DAB1: variants seen among roughly 807,000 people sequenced by gnomAD.
DAB1 encodes the protein DAB adaptor protein 1, also known as disabled homolog 1.
In DAB1, 15 loss-of-function variants were observed where a neutral mutation model predicts 64.6. The ratio of observed to expected loss-of-function variants is 0.23; its 90% confidence interval spans 0.16 to 0.36. DAB1 has a LOEUF of 0.36. Ranked by LOEUF, DAB1 falls within the 10% of genes least tolerant of loss-of-function variation. The pLI, the probability that DAB1 is intolerant of heterozygous loss-of-function variation, is 1.00. For missense variants in DAB1, 596 were observed against 706.7 expected (o/e 0.84, Z 1.78); for synonymous variants, 235 against 251.9 (o/e 0.93, Z 0.64).
intron 7 of DAB1, among the ~76,000 whole-genome samples, chr1:57,491,277 A>C (rs1373196445): frequency 2.6e-5 from 4 of 151,940 alleles, no homozygotes. Context: ...AAATACAAAA[A>C]ATTAGCCAGG....
intron 7 of DAB1, among the ~76,000 whole-genome samples, chr1:57,450,263 C>A (rs146434567): frequency 3.3e-5 from 5 of 152,266 alleles, no homozygotes; most frequent in Non-Finnish European, 7.4e-5. Context: ...GAATAGAATT[C>A]TTGATGGCAG....
intron 7 of DAB1, among the ~76,000 whole-genome samples, chr1:57,475,743 G>A (rs1320669470): frequency 2.0e-5 from 3 of 152,174 alleles, no homozygotes; most frequent in East Asian, 1.9e-4. Context: ...ACCGGCCAAC[G>A]CCATCCTCTA....
intron 5 of DAB1, among the ~76,000 whole-genome samples, chr1:58,100,936 T>A (rs1487424372): frequency 6.6e-6 from 1 of 151,972 alleles, no homozygotes; most frequent in East Asian, 1.9e-4. Flanking sequence ...GAAACTGAAG[T>A]CAAGGAGGGA....
At chr1:57,210,982 T>A (rs935457923) in intron 2 of DAB1, among the ~76,000 whole-genome samples, 5 of 152,208 alleles carry the variant, frequency 3.3e-5, no homozygotes, top group Non-Finnish European at 5.9e-5. Context: ...AATCTGGTAT[T>A]GATAAGAATG....
At chr1:57,356,856 A>G (rs994757736) in intron 1 of DAB1, among the ~76,000 whole-genome samples, 1 of 152,072 alleles carries the variant, frequency 6.6e-6, no homozygotes, top group Non-Finnish European at 1.5e-5. Context: ...GCATCTTAAG[A>G]GAAGAAAGCC....
At chr1:57,294,043 C>A (rs1672995458) in intron 1 of DAB1, among the ~76,000 whole-genome samples, 1 of 152,150 alleles carries the variant, frequency 6.6e-6, no homozygotes, top group South Asian at 2.1e-4. Context: ...ACCCTGGCAT[C>A]CCCTTTAATT....
intron 6 of DAB1, among the ~76,000 whole-genome samples, chr1:57,768,377 A>C (rs1366235490): frequency 1.3e-5 from 2 of 151,682 alleles, no homozygotes; most frequent in African/African-American, 4.8e-5. Context: ...CATATTTAAG[A>C]TATTCAGAAA....
chr1:57,485,910 T>C (rs1644085052), intron 7 of DAB1, among the ~76,000 whole-genome samples: 2 of 152,200 alleles, frequency 1.3e-5, no homozygotes, highest in African/African-American at 2.4e-5. Context: ...TGCCAAGATA[T>C]AAGGCGGCCG....
Position 58,275,794 on chromosome 1 carries a change from C to T in DAB1, n.309+67558G>A, listed in dbSNP as rs72912331. Among the ~76,000 whole-genome samples, 1,089 of 152,288 alleles carry T rather than the reference C, an allele frequency of 7.2e-3. 16 individuals are homozygous for T. Among genetic ancestry groups the T allele is most frequent in the African/African-American group, 0.024 (1,018 of 41,560 alleles). ...TCCTCAAAAGTTAAAAATAGAATTA[C>T]CATTTGATCCAGCAATTTCACTTCT... On this transcript the variant is annotated intron_variant and non_coding_transcript_variant, in intron 4 of 20. Transcript: ENST00000485760.
chr1:58,295,907 A>G (rs903033809), intron 4 of DAB1, among the ~76,000 whole-genome samples: 1 of 151,978 alleles, frequency 6.6e-6, no homozygotes, highest in African/African-American at 2.4e-5. Flanking sequence ...CCTGGCCAAC[A>G]TGGTGAAATC....
chr1:57,996,572 G>T (rs1646428454), intron 5 of DAB1, among the ~76,000 whole-genome samples: 1 of 152,074 alleles, frequency 6.6e-6, no homozygotes, highest in Non-Finnish European at 1.5e-5. Context: ...GTTTATCTAA[G>T]CTGTTTTTAT....
rs183737753 is a variant in DAB1, at chr1:57,389,872, C to T, written c.-137+34058G>A. 9.8e-4 allele frequency among the ~76,000 whole-genome samples: 149 copies of T among 152,276 alleles called. 1 individual carries two copies. Among genetic ancestry groups the T allele is most frequent in the African/African-American group, 3.5e-3 (146 of 41,556 alleles). On this transcript the variant is annotated intron_variant, in intron 1 of 14. Coordinates refer to ENST00000371236, the MANE Select transcript of DAB1 (RefSeq NM_001365792.1). ...AAAAATAACTGTAATAGCTAATATA[C>T]CTCACCCCAGAAAACTTCTGAGTTG...
At chr1:58,488,574 C>T (rs552932240) in intron 3 of DAB1, among the ~76,000 whole-genome samples, 26 of 152,314 alleles carry the variant, frequency 1.7e-4, no homozygotes, top group African/African-American at 6.3e-4. Flanking sequence ...GTGTCAGCCT[C>T]CTGAGTAGCT....
At chr1:58,155,831 T>G (rs974509865) in intron 4 of DAB1, among the ~76,000 whole-genome samples, 1 of 152,204 alleles carries the variant, frequency 6.6e-6, no homozygotes, top group Non-Finnish European at 1.5e-5. Flanking sequence ...AATGACTTCA[T>G]GATGAAAGAT....
chr1:57,523,650 G>A (rs191878004), intron 7 of DAB1, among the ~76,000 whole-genome samples: 8 of 152,232 alleles, frequency 5.3e-5, no homozygotes, highest in African/African-American at 1.2e-4. Context: ...GGCCAGGTGC[G>A]GTGGCTCACA....
intron 3 of DAB1, among the ~76,000 whole-genome samples, chr1:58,406,806 A>G (rs1644620339): frequency 6.6e-6 from 1 of 151,914 alleles, no homozygotes; most frequent in Non-Finnish European, 1.5e-5. Flanking sequence ...TTTAATGAAA[A>G]TACCATGGGT....
chr1:56,997,871 A>G lies in DAB1; in HGVS notation c.*273T>C, dbSNP rs963672091. 6.6e-6 allele frequency: 1 copy of G among 152,172 alleles called. No individual in the cohort carries two copies. The highest frequency in any genetic ancestry group is 2.4e-5 in the African/African-American group (1 of 41,356). 9.4% of individuals were successfully genotyped at this position (152,172 alleles called of 1,614,324 possible). A position where few individuals can be genotyped will look rare whatever the true frequency, so the allele number is the denominator to read the frequency against. ...TGGGTAAGCATTTGCTTGATTTCTG[A>G]TTTAATGTTGGGTGGATCTTTCTAT... On this transcript the variant is annotated 3_prime_UTR_variant, in exon 15 of 15. Coordinates refer to ENST00000371236, the MANE Select transcript of DAB1 (RefSeq NM_001365792.1).
In DAB1 at chr1:57,546,990, G is replaced by A. The variant is rs77112327; in HGVS notation, n.625+102602C>T. 3.7e-3 allele frequency among the ~76,000 whole-genome samples: 559 copies of A among 151,988 alleles called. 4 individuals carry two copies. Among genetic ancestry groups the A allele is most frequent in the African/African-American group, 0.012 (503 of 41,450 alleles). On this transcript the variant is annotated intron_variant and non_coding_transcript_variant, in intron 7 of 20. Coordinates refer to the DAB1 transcript ENST00000485760. ...TTTTTCTATTTAAAGCATATTAATC[G>A]TATTTTTTTTAATGAAAACAAAACA...
intron 5 of DAB1, chr1:58,048,111 T>G: frequency 2.2e-6 from 2 of 903,000 alleles, no homozygotes; most frequent in South Asian, 2.7e-5. Context: ...CACAAATCTG[T>G]TGTAACCTAT....
Sources: allele counts gnomAD v4.1 joint callset (sites outside exome capture counted in the v4.1 genomes callset), GRCh38; gene constraint gnomAD v4.1.1; transcripts MANE v1.5; gene names NCBI Gene and HGNC (gene_info 2026-07-23, HGNC 2026-07-21).